FAM135B: variants seen among roughly 807,000 people sequenced by gnomAD.
The protein encoded by FAM135B is family with sequence similarity 135 member B, also known as protein FAM135B.
Under a neutral mutation model 127.7 loss-of-function variants are expected in FAM135B, and 43 were observed. That is an observed-to-expected ratio of 0.34 (90% confidence interval 0.26 to 0.43). FAM135B has a LOEUF of 0.43. FAM135B is among the 20% of genes least tolerant of loss of function. The pLI is 1.00. For missense variants in FAM135B, 1,558 were observed against 1,725.6 expected (o/e 0.90, Z 1.72); for synonymous variants, 670 against 665.1 (o/e 1.01, Z -0.11).
chr8:138,291,382 C>T (rs1057003855), intron 3 of FAM135B, among the ~76,000 whole-genome samples: 4 of 152,104 alleles, frequency 2.6e-5, no homozygotes, highest in Admixed American at 6.5e-5. Flanking sequence ...GAATGAATTT[C>T]GATCCTTCTC....
intron 9 of FAM135B, among the ~76,000 whole-genome samples, chr8:138,179,752 G>C (rs1021880236): frequency 5.3e-5 from 8 of 152,100 alleles, no homozygotes; most frequent in Non-Finnish European, 1.2e-4. Context: ...GGAGTGCAGT[G>C]GTGTGATCAT....
intron 2 of FAM135B, among the ~76,000 whole-genome samples, chr8:138,365,324 G>T (rs1830670517): frequency 6.6e-6 from 1 of 152,168 alleles, no homozygotes; most frequent in Non-Finnish European, 1.5e-5. Context: ...AATAGGTGAT[G>T]ATTTTTATCC....
chr8:138,463,156 G>A (rs1484504033), intron 1 of FAM135B, among the ~76,000 whole-genome samples: 1 of 152,210 alleles, frequency 6.6e-6, no homozygotes, highest in African/African-American at 2.4e-5. Flanking sequence ...CACATATGGA[G>A]TCCTTGCTTC....
chr8:138,412,113 A>T (rs1237165695), intron 1 of FAM135B, among the ~76,000 whole-genome samples: 1 of 152,154 alleles, frequency 6.6e-6, no homozygotes, highest in African/African-American at 2.4e-5. Flanking sequence ...ACTCTTAGAT[A>T]CTATGCCCGC....
At chr8:138,139,714 C>T (rs952717428) in intron 17 of FAM135B, among the ~76,000 whole-genome samples, 4 of 152,080 alleles carry the variant, frequency 2.6e-5, no homozygotes, top group South Asian at 2.1e-4. Context: ...TGCAGTGAGT[C>T]GAGATTGCAC....
At chr8:138,486,573 G>A (rs771055873) in intron 1 of FAM135B, among the ~76,000 whole-genome samples, 2 of 152,130 alleles carry the variant, frequency 1.3e-5, no homozygotes, top group African/African-American at 4.8e-5. Context: ...GGGAGGATAC[G>A]CTGCCAGAGC....
At chr8:138,476,094 G>C (rs182448709) in intron 1 of FAM135B, among the ~76,000 whole-genome samples, 326 of 152,246 alleles carry the variant, frequency 2.1e-3, no homozygotes, top group Non-Finnish European at 3.7e-3. Context: ...ATATTACTAA[G>C]TGAAATAAGC....
intron 12 of FAM135B, among the ~76,000 whole-genome samples, chr8:138,158,633 G>A (rs1459344282): frequency 7.2e-5 from 11 of 152,032 alleles, no homozygotes; most frequent in Non-Finnish European, 1.5e-4. Context: ...TGGGCAAAGG[G>A]TATGAACAGA....
At chr8:138,473,305 C>T (rs1023930540) in intron 1 of FAM135B, among the ~76,000 whole-genome samples, 1 of 152,124 alleles carries the variant, frequency 6.6e-6, no homozygotes, top group Non-Finnish European at 1.5e-5. Flanking sequence ...CTAAAGTCTT[C>T]TCATAGCATT....
chr8:138,456,738 G>C (rs1323837147), intron 1 of FAM135B, among the ~76,000 whole-genome samples: 1 of 152,112 alleles, frequency 6.6e-6, no homozygotes, highest in African/African-American at 2.4e-5. Context: ...ATCCTCTTTA[G>C]AAGCACATTT....
intron 12 of FAM135B, among the ~76,000 whole-genome samples, chr8:138,167,323 G>A (rs1345061031): frequency 2.6e-5 from 4 of 152,106 alleles, no homozygotes; most frequent in Non-Finnish European, 4.4e-5. Context: ...AGCCTCCCAA[G>A]TAGCTGGGAT....
chr8:138,333,299 G>T lies in FAM135B; in HGVS notation c.78-22379C>A, dbSNP rs141315224. On this transcript the variant is annotated intron_variant, in intron 2 of 19. Coordinates refer to ENST00000395297, the MANE Select transcript of FAM135B (RefSeq NM_015912.4). Reference sequence around the variant, plus strand: ...GCCTTTTACTAGGCTCTGTCTCTGAGGTTGGGTCTTTCATCCTATTTTCTG... The same window carrying T: ...GCCTTTTACTAGGCTCTGTCTCTGATGTTGGGTCTTTCATCCTATTTTCTG... 8.5e-5 allele frequency among the ~76,000 whole-genome samples: 13 copies of T among 152,302 alleles called. No homozygotes were observed. The East Asian group carries it at 2.5e-3, about 29-fold the overall frequency.
intron 7 of FAM135B, among the ~76,000 whole-genome samples, chr8:138,207,134 A>C (rs1817752412): frequency 6.6e-6 from 1 of 152,136 alleles, no homozygotes; most frequent in Non-Finnish European, 1.5e-5. Context: ...CATGGAAATC[A>C]GGGAGAAAAT....
chr8:138,426,246 G>A (rs1834884748), intron 1 of FAM135B, among the ~76,000 whole-genome samples: 1 of 150,554 alleles, frequency 6.6e-6, no homozygotes, highest in South Asian at 2.1e-4. Context: ...TTGTAATCTG[G>A]TAAGCACAAA....
intron 7 of FAM135B, among the ~76,000 whole-genome samples, chr8:138,215,075 ATTTTTCAAAAAGT>A (rs939462158): frequency 1.3e-5 from 2 of 152,170 alleles, no homozygotes; most frequent in Admixed American, 1.3e-4. Context: ...GACAACACAG[ATTTTTCAAAAAGT>A]TTTAGATCCC....
chr8:138,216,690 C>T (rs1818572545), intron 7 of FAM135B, among the ~76,000 whole-genome samples: 1 of 152,220 alleles, frequency 6.6e-6, no homozygotes, highest in South Asian at 2.1e-4. Flanking sequence ...GAAAGTATTA[C>T]TGTTTCTAAG....
rs562301036 is a variant in FAM135B, at chr8:138,132,861, A to T, written c.4016-63T>A. 8 of 1,429,390 alleles carry T rather than the reference A, an allele frequency of 5.6e-6. No individual in the cohort carries two copies. The highest frequency in any genetic ancestry group is 6.9e-6 in the Non-Finnish European group (7 of 1,013,588). 88.5% of individuals were successfully genotyped at this position (1,429,390 alleles called of 1,614,324 possible). On this transcript the variant is annotated intron_variant, in intron 19 of 19. Transcript: ENST00000395297. The surrounding 1 kb of genome is among the most constrained non-coding windows in gnomAD (Gnocchi z 4.5). ...AAATTAGCAGTGGAATCTAGAGAAC[A>T]TCACTAGATGTGTGTCGAAATTCTG...
chr8:138,328,610 A>G (rs1827966667), intron 2 of FAM135B, among the ~76,000 whole-genome samples: 1 of 152,184 alleles, frequency 6.6e-6, no homozygotes, highest in African/African-American at 2.4e-5. Flanking sequence ...TTTCCTTCCC[A>G]ACCATTTACT....
chr8:138,269,753 C>T (rs1373808641), intron 3 of FAM135B, among the ~76,000 whole-genome samples: 7 of 152,174 alleles, frequency 4.6e-5, no homozygotes, highest in Non-Finnish European at 1.0e-4. Context: ...AAGAATCATG[C>T]CTTACTTAAT....
Sources: allele counts gnomAD v4.1 joint callset (sites outside exome capture counted in the v4.1 genomes callset), GRCh38; gene constraint gnomAD v4.1.1; non-coding constraint Gnocchi (gnomAD v3.1); transcripts MANE v1.5; gene names NCBI Gene and HGNC (gene_info 2026-07-23, HGNC 2026-07-21).